GTPBP4: variants seen among roughly 807,000 people sequenced by gnomAD.
GTPBP4 encodes the protein GTP binding protein 4.
GTPBP4 carries 15 observed loss-of-function variants against 81.7 expected under a neutral mutation model. The ratio of observed to expected loss-of-function variants is 0.18; its 90% confidence interval spans 0.12 to 0.28. The LOEUF is 0.28. Among genes scored for constraint, GTPBP4 ranks in the 10% least tolerant of loss-of-function variants. The pLI is 1.00. For synonymous variants in GTPBP4, 272 were observed against 274.6 expected (o/e 0.99, Z 0.09); for missense variants, 847 against 793.8 (o/e 1.07, Z -0.81).
Position 1,017,127 on chromosome 10 carries a change from G to C in GTPBP4, c.1805G>C (p.Arg602Pro), listed in dbSNP as rs779553274. Residue 602 changes from arginine to proline, a missense_variant, in exon 17 of 17, where the codon CGG becomes CCG. Arg to Pro is a moderately radical substitution (Grantham distance 103, BLOSUM62 -2). Coordinates refer to ENST00000360803, the MANE Select transcript of GTPBP4 (RefSeq NM_012341.3). ...MMKNAQKKMNRLGKKGEADRH... is the reference protein window; with the variant it reads ...MMKNAQKKMNPLGKKGEADRH... ...AAGAATGCTCAGAAGAAGATGAATCGGTTGGGGAAGAAAGGGGAGGCGGAT... is the reference window on the plus strand; with the variant it reads ...AAGAATGCTCAGAAGAAGATGAATCCGTTGGGGAAGAAAGGGGAGGCGGAT... 4 of 1,613,634 alleles carry C rather than the reference G, an allele frequency of 2.5e-6. No individual in the cohort carries two copies. Among genetic ancestry groups the C allele is most frequent in the East Asian group, 2.2e-5 (1 of 44,900 alleles).
rs780224045 is a variant in GTPBP4 at position 1,012,452 on chromosome 10, T to C, written c.1345-13T>C. The C allele has an allele frequency of 4.4e-6, 7 of 1,583,440 alleles. No individual in the cohort carries two copies. The South Asian group carries it at 5.8e-5, about 13-fold the overall frequency. ...ATTGTTAATTTTGCTTCATTACAAC[T>C]CCATTTTTAAAGAAATTGGAAGAAT... On this transcript the variant is annotated splice_polypyrimidine_tract_variant and intron_variant, in intron 13 of 16. Coordinates refer to ENST00000360803, the MANE Select transcript of GTPBP4 (RefSeq NM_012341.3).
Position 996,164 on chromosome 10 carries a change from C to G in GTPBP4, c.382C>G (p.Gln128Glu). The G allele has an allele frequency of 4.3e-6, 7 of 1,613,176 alleles. No individual in the cohort carries two copies. Among genetic ancestry groups the G allele is most frequent in the Non-Finnish European group, 4.2e-6 (5 of 1,179,116 alleles). The change falls in exon 4 of 17, where the codon CAG becomes GAG. Residue 128 changes from glutamine to glutamate, a missense_variant. Physicochemically the swap from Gln to Glu is conservative, Grantham distance 29. Coordinates refer to ENST00000360803, the MANE Select transcript of GTPBP4 (RefSeq NM_012341.3). Reference sequence around the variant, plus strand: ...TGGCGACTCTCTCTACCGCTGCAAACAGCTGAAGCGTGCGGCCCTGGGACG... The same window carrying G: ...TGGCGACTCTCTCTACCGCTGCAAAGAGCTGAAGCGTGCGGCCCTGGGACG... ...KYGDSLYRCKQLKRAALGRMC... is the reference protein window; with the variant it reads ...KYGDSLYRCKELKRAALGRMC...
intron 2 of GTPBP4, among the ~76,000 whole-genome samples, chr10:995,560 A>G (rs776828396): frequency 6.6e-6 from 1 of 152,052 alleles, no homozygotes; most frequent in East Asian, 1.9e-4. Context: ...TTTTTTTCCT[A>G]AAGATTGAGA....
chr10:1,010,341 TCA>T, intron 12 of GTPBP4, 77 bp from the exon 13 acceptor site: 1 of 753,032 alleles, frequency 1.3e-6, no homozygotes, highest in South Asian at 1.5e-5. Context: ...TTGCCGTCAG[TCA>T]CAACTCATTT....
Position 1,017,224 on chromosome 10 carries a change from A to G in GTPBP4, c.1902A>G (p.Arg634=), listed in dbSNP as rs765863970. 4.3e-6 allele frequency: 7 copies of G among 1,613,248 alleles called. No individual in the cohort carries two copies. The highest frequency in any genetic ancestry group is 1.3e-5 in the African/African-American group (1 of 74,866). ...GGAAAGCTGGTAAAAAGGACAGGAG[A>G]TAGTATCCGTTTGGTTGGCGTGGCT... ...GKRKAGKKDR[R] Residue 634 remains arginine (R), a synonymous_variant, in exon 17 of 17, where the codon AGA becomes AGG. Coordinates refer to ENST00000360803, the MANE Select transcript of GTPBP4 (RefSeq NM_012341.3).
Position 1,002,299 on chromosome 10 carries a change from A to T in GTPBP4, c.912+1286A>T, listed in dbSNP as rs148638138. ...GTCTAATGTTGCGAGTCTGATGTTG[A>T]TGTCCCCAAATATTATTGACCCCTT... On this transcript the variant is annotated intron_variant, in intron 8 of 16. Transcript: ENST00000360803. Among the ~76,000 whole-genome samples, 22 of 152,300 alleles carry T rather than the reference A, an allele frequency of 1.4e-4. No homozygotes were observed. In the East Asian group the frequency reaches 3.7e-3, roughly 25 times the overall value.
intron 9 of GTPBP4, 63 bp downstream of exon 9, chr10:1,005,970 TGTG>T (rs761372906): frequency 3.8e-5 from 32 of 841,994 alleles, no homozygotes; most frequent in Non-Finnish European, 5.5e-5. Flanking sequence ...TCAAGTCAGT[TGTG>T]GGGAGAAAAT....
At chr10:1,013,350 C>A (rs1488427223) in intron 14 of GTPBP4, among the ~76,000 whole-genome samples, 1 of 151,580 alleles carries the variant, frequency 6.6e-6, no homozygotes, top group Admixed American at 6.6e-5. Flanking sequence ...TGGCTCACGC[C>A]TGTAATCTCA....
At chr10:1,009,489 G>A in intron 11 of GTPBP4, 40 bp from the exon 12 acceptor site, 1 of 1,412,964 alleles carries the variant, frequency 7.1e-7, no homozygotes, top group Non-Finnish European at 1.0e-6. Flanking sequence ...GGATCTGAAA[G>A]GCAAAATGAA....
rs943950216 is a variant in GTPBP4 at position 1,007,078 on chromosome 10, G to A, written c.1063G>A (p.Glu355Lys). Reference sequence around the variant, plus strand: ...CAAAATGAAGGGAAATAAAGTGAATGAGGTGCTGAATAGACTGCACCTGGC... The same window carrying A: ...CAAAATGAAGGGAAATAAAGTGAATAAGGTGCTGAATAGACTGCACCTGGC... ...ETKMKGNKVN[E>K]VLNRLHLAIP... Residue 355 changes from glutamate to lysine, a missense_variant, in exon 10 of 17, where the codon GAG (glutamate) becomes AAG (lysine). Around this residue, in one of 3 missense-constraint regions of GTPBP4, gnomAD observed 600 missense variants for 557.1 expected, o/e 1.08. Coordinates refer to ENST00000360803, the MANE Select transcript of GTPBP4 (RefSeq NM_012341.3). 1.2e-6 allele frequency: 2 copies of A among 1,612,940 alleles called. No homozygotes were observed. The highest frequency in any genetic ancestry group is 2.7e-5 in the African/African-American group (2 of 74,894).
In GTPBP4 at chr10:999,107, G is replaced by T; in HGVS notation, c.654+12G>T. 1 of 1,397,056 alleles carries T rather than the reference G, an allele frequency of 7.2e-7. No homozygotes were observed. Among genetic ancestry groups the T allele is most frequent in the African/African-American group, 1.4e-5 (1 of 70,886 alleles). 86.5% of individuals were successfully genotyped at this position (1,397,056 alleles called of 1,614,324 possible). A position where few individuals can be genotyped will look rare whatever the true frequency, so the allele number is the denominator to read the frequency against. On this transcript the variant is annotated intron_variant, in intron 6 of 16. Transcript: ENST00000360803. ...ATCTACGTTGGCAGGTGAGAGTCTTGTCTTTATTTTTATTCATTTATTTAT... is the reference window on the plus strand; with the variant it reads ...ATCTACGTTGGCAGGTGAGAGTCTTTTCTTTATTTTTATTCATTTATTTAT...
intron 13 of GTPBP4, 134 bp from the exon 14 acceptor site, chr10:1,012,331 A>AG (rs1379728051): frequency 1.6e-5 from 10 of 607,630 alleles, no homozygotes; most frequent in Admixed American, 1.3e-4. Flanking sequence ...GGCAGGGCCC[A>AG]GGTGGGTCTG....
chr10:998,153 G>A (rs530817280), intron 5 of GTPBP4, among the ~76,000 whole-genome samples: 121 of 152,184 alleles, frequency 8.0e-4, no homozygotes, highest in African/African-American at 2.5e-3. Context: ...AGGCTGAAGT[G>A]CAGTGGTGCA....
chr10:1,000,913 G>A, intron 7 of GTPBP4, 35 bp from the exon 8 acceptor site: 2 of 1,602,068 alleles, frequency 1.2e-6, no homozygotes, highest in Non-Finnish European at 8.6e-7. Context: ...TGCAGTACGA[G>A]AATAATGATT....
At position 1,010,406 on chromosome 10, in the gene GTPBP4, T is replaced by C. The variant is rs1831832254; in HGVS notation, c.1244-14T>C. ...AAACTGCTGTAAACGTAACCACCTT[T>C]TTTTTAACTTTAGAGTACTGGGATT... On this transcript the variant is annotated splice_polypyrimidine_tract_variant and intron_variant, in intron 12 of 16. Transcript: ENST00000360803. 2 of 1,383,932 alleles carry C rather than the reference T, an allele frequency of 1.4e-6. No individual in the cohort carries two copies. The highest frequency in any genetic ancestry group is 2.1e-6 in the Non-Finnish European group (2 of 973,696). 85.7% of individuals were successfully genotyped at this position (1,383,932 alleles called of 1,614,324 possible).
At position 1,014,638 on chromosome 10, in the gene GTPBP4, G is replaced by A. The variant is rs149809329; in HGVS notation, c.1608+326G>A. Among the ~76,000 whole-genome samples the A allele has an allele frequency of 5.1e-3, 776 of 152,056 alleles. 7 individuals are homozygous for A. The highest frequency in any genetic ancestry group is 0.017 in the African/African-American group (715 of 41,456). On this transcript the variant is annotated intron_variant, in intron 15 of 16. Coordinates refer to ENST00000360803, the MANE Select transcript of GTPBP4 (RefSeq NM_012341.3). ...CGTGCCCCTGTACTCCAGCCTGGGC[G>A]ACAGAGTGAGACTCCATCTCAAAAA...
At chr10:1,014,139 GTATAT>G (rs1439729546) in intron 14 of GTPBP4, 103 bp from the exon 15 acceptor site, 40 of 641,026 alleles carry the variant, frequency 6.2e-5, no homozygotes, top group Non-Finnish European at 9.2e-5. Context: ...TCTAAAATAA[GTATAT>G]TATAATTGTT....
rs374726633 is a variant in GTPBP4 at position 988,466 on chromosome 10, A to G, written c.-14A>G. 1.3e-5 allele frequency: 21 copies of G among 1,612,086 alleles called. No homozygotes were observed. The Admixed American group carries it at 1.5e-4, about 12-fold the overall frequency. Reference sequence around the variant, plus strand: ...CCGGGAGTGCCAAGTACCCGCGTGCATACGGCTGCCGGCATGGCACATTAC... The same window carrying G: ...CCGGGAGTGCCAAGTACCCGCGTGCGTACGGCTGCCGGCATGGCACATTAC... On this transcript the variant is annotated 5_prime_UTR_variant, in exon 1 of 17. Transcript: ENST00000360803.
chr10:989,794 G>A (rs556075302), intron 1 of GTPBP4, among the ~76,000 whole-genome samples: 1 of 152,224 alleles, frequency 6.6e-6, no homozygotes, highest in East Asian at 1.9e-4. Flanking sequence ...AGGTTGGAGC[G>A]CAGTGGTGTG....
Sources: allele counts gnomAD v4.1 joint callset (sites outside exome capture counted in the v4.1 genomes callset), GRCh38; gene constraint gnomAD v4.1.1; regional missense constraint gnomAD v4.1.1; transcripts MANE v1.5; gene names NCBI Gene and HGNC (gene_info 2026-07-23, HGNC 2026-07-21).